KCND2: variants seen among roughly 807,000 people sequenced by gnomAD.
KCND2 encodes the protein potassium voltage-gated channel subfamily D member 2.
A neutral mutation model predicts 54.4 loss-of-function variants in KCND2; 16 were observed. The ratio of observed to expected loss-of-function variants is 0.29; its 90% CI spans 0.20 to 0.45. KCND2 has a LOEUF of 0.45. Ranked by LOEUF, KCND2 falls within the 20% of genes least tolerant of loss-of-function variation. KCND2 has a pLI of 1.00. For synonymous variants in KCND2, 317 were observed against 310.7 expected, an observed-to-expected ratio of 1.02 and a Z score of -0.21; for missense variants, 486 against 824.2, an observed-to-expected ratio of 0.59 and a Z score of 5.02.
chr7:120,665,075 C>A (rs1334997528), intron 1 of KCND2, among the ~76,000 whole-genome samples: 1 of 152,012 alleles, frequency 6.6e-6, no homozygotes, highest in African/African-American at 2.4e-5. Context: ...ACCCAAAATG[C>A]TGATTATTTT....
chr7:120,587,799 A>G (rs571531933), intron 1 of KCND2, among the ~76,000 whole-genome samples: 1 of 152,270 alleles, frequency 6.6e-6, no homozygotes, highest in South Asian at 2.1e-4. Context: ...GTGCTGATGC[A>G]TTTATTCTTT....
intron 1 of KCND2, among the ~76,000 whole-genome samples, chr7:120,642,409 A>AG (rs1197473033): frequency 6.6e-6 from 1 of 151,196 alleles, no homozygotes; most frequent in East Asian, 1.9e-4. Flanking sequence ...AAAAAAAAAA[A>AG]AAAAAAGCAG....
chr7:120,350,702 T>C (rs1179753521), intron 1 of KCND2, among the ~76,000 whole-genome samples: 1 of 152,206 alleles, frequency 6.6e-6, no homozygotes, highest in Non-Finnish European at 1.5e-5. Flanking sequence ...CACATCTATG[T>C]TATTTCTAAC....
At chr7:120,409,652 A>G (rs1211123636) in intron 1 of KCND2, among the ~76,000 whole-genome samples, 1 of 151,850 alleles carries the variant, frequency 6.6e-6, no homozygotes, top group African/African-American at 2.4e-5. Flanking sequence ...AAAAAATGTA[A>G]GCATCTTTTC....
At chr7:120,394,638 A>G (rs2116061129) in intron 1 of KCND2, among the ~76,000 whole-genome samples, 1 of 152,088 alleles carries the variant, frequency 6.6e-6, no homozygotes, top group African/African-American at 2.4e-5. Context: ...GGGAGGGACT[A>G]TTATCATTGT....
rs1236081741 is a variant in KCND2, at chr7:120,742,493, CT to C, written c.1375-15del. ...CAAATAAAATAGAAAGCTCTTCTGTCTTCTCTTTGTTAACAGTCCTCAGAGG... is the reference window on the plus strand; with the variant it reads ...CAAATAAAATAGAAAGCTCTTCTGTCTCTCTTTGTTAACAGTCCTCAGAGG... On this transcript the variant is annotated splice_polypyrimidine_tract_variant and intron_variant, in intron 3 of 5. Coordinates refer to ENST00000331113, the MANE Select transcript of KCND2 (RefSeq NM_012281.3). 1 of 1,605,814 alleles carries C rather than the reference CT, an allele frequency of 6.2e-7. No individual in the cohort carries two copies. The highest frequency in any genetic ancestry group is 2.2e-5 in the East Asian group (1 of 44,816).
intron 1 of KCND2, among the ~76,000 whole-genome samples, chr7:120,611,682 C>T (rs926181045): frequency 6.6e-6 from 1 of 152,146 alleles, no homozygotes; most frequent in Non-Finnish European, 1.5e-5. Flanking sequence ...TCATTTTCTG[C>T]TCTCCACGAT....
intron 1 of KCND2, among the ~76,000 whole-genome samples, chr7:120,622,106 A>C (rs992033040): frequency 1.3e-5 from 2 of 151,952 alleles, no homozygotes; most frequent in Admixed American, 1.3e-4. Context: ...ATTGTACGTG[A>C]TTATATGGAA....
chr7:120,394,332 A>G (rs970692368), intron 1 of KCND2, among the ~76,000 whole-genome samples: 2 of 151,782 alleles, frequency 1.3e-5, no homozygotes, highest in African/African-American at 4.8e-5. Flanking sequence ...CACTAAGTCT[A>G]CCTCTTGCTG....
At chr7:120,471,267 A>T (rs1183667395) in intron 1 of KCND2, among the ~76,000 whole-genome samples, 1 of 152,090 alleles carries the variant, frequency 6.6e-6, no homozygotes, top group Non-Finnish European at 1.5e-5. Flanking sequence ...TCTTTCCTTG[A>T]ATTGCAGACA....
intron 1 of KCND2, among the ~76,000 whole-genome samples, chr7:120,358,584 A>G (rs1800542642): frequency 6.6e-6 from 1 of 152,032 alleles, no homozygotes; most frequent in African/African-American, 2.4e-5. Flanking sequence ...TATCAGCAAT[A>G]TTGCTGATAC....
intron 1 of KCND2, among the ~76,000 whole-genome samples, chr7:120,463,747 C>T (rs889870027): frequency 1.3e-5 from 2 of 152,034 alleles, no homozygotes; most frequent in Admixed American, 6.6e-5. Context: ...AAGGTGACAT[C>T]GCAGATTATA....
At chr7:120,426,586 TTG>T (rs58700428) in intron 1 of KCND2, among the ~76,000 whole-genome samples, 10,522 of 135,298 alleles carry the variant, frequency 0.078, 657 homozygotes, top group Admixed American at 0.098. Context: ...GGGTTTTTCT[TTG>T]TTTTTTTTTT....
chr7:120,393,669 G>A (rs1428826044), intron 1 of KCND2, among the ~76,000 whole-genome samples: 3 of 151,906 alleles, frequency 2.0e-5, no homozygotes, highest in Non-Finnish European at 4.4e-5. Context: ...TGATCAGTTT[G>A]TCTTGGTGTT....
chr7:120,274,516 C>A lies in KCND2; in HGVS notation c.-117C>A. On this transcript the variant is annotated 5_prime_UTR_variant, in exon 1 of 6. It adds an upstream start codon to the 5' untranslated region. Transcript: ENST00000331113. ...CTATCTTGGAATAAGAGTTACACCT[C>A]TGGACCACGTTTCTCACTAGTACTT... The A allele has an allele frequency of 8.5e-7, 1 of 1,179,166 alleles. No homozygotes were observed. Among genetic ancestry groups the A allele is most frequent in the Non-Finnish European group, 1.3e-6 (1 of 787,622 alleles). The allele number at this position is 1,179,166 out of a possible 1,614,324, so 73.0% of individuals were successfully genotyped here. A position where few individuals can be genotyped will look rare whatever the true frequency, so the allele number is the denominator to read the frequency against.
chr7:120,421,146 A>C (rs1264506025), intron 1 of KCND2, among the ~76,000 whole-genome samples: 3 of 152,252 alleles, frequency 2.0e-5, no homozygotes. Flanking sequence ...AGCATATGCA[A>C]GTCAAGTGCC....
chr7:120,318,996 T>C (rs1166793708), intron 1 of KCND2, among the ~76,000 whole-genome samples: 1 of 152,130 alleles, frequency 6.6e-6, no homozygotes, highest in East Asian at 1.9e-4. Context: ...ATAATTTTGT[T>C]CTATTATCAT....
chr7:120,354,782 AAAAGAAAAGC>A (rs1407460967), intron 1 of KCND2, among the ~76,000 whole-genome samples: 8 of 152,252 alleles, frequency 5.3e-5, no homozygotes, highest in African/African-American at 1.9e-4. Flanking sequence ...GAAAGAAAAG[AAAAGAAAAGC>A]AAAGAAAAGA....
chr7:120,537,192 C>T (rs1217314004), intron 1 of KCND2, among the ~76,000 whole-genome samples: 2 of 152,018 alleles, frequency 1.3e-5, no homozygotes, highest in Non-Finnish European at 2.9e-5. Flanking sequence ...TGGTGATCTT[C>T]TTGTACATTT....
Sources: gnomAD v4.1 joint callset for allele counts (sites outside exome capture counted in the v4.1 genomes callset) on GRCh38, gnomAD v4.1.1 for gene constraint, MANE v1.5 for transcripts, NCBI Gene and HGNC (gene_info 2026-07-23, HGNC 2026-07-21) for gene names.